The following SMYD3 variants were observed in gnomAD, a reference collection of about 807,000 sequenced individuals.
The protein encoded by SMYD3 is histone-lysine N-methyltransferase SMYD3.
In SMYD3, 36 loss-of-function variants were observed where a neutral mutation model predicts 57.7. That is an observed-to-expected ratio of 0.62 (90% CI 0.48 to 0.82). The LOEUF (loss-of-function observed/expected upper bound fraction) is 0.82. SMYD3 is among the 40% of genes least tolerant of loss of function. The pLI is 0.00. For synonymous variants in SMYD3, 211 were observed against 195.0 expected, an observed-to-expected ratio of 1.08 and a Z score of -0.68; for missense variants, 515 against 538.8, an observed-to-expected ratio of 0.96 and a Z score of 0.44.
chr1:245,942,067 C>G (rs865989099), intron 5 of SMYD3, among the ~76,000 whole-genome samples: 3 of 152,156 alleles, frequency 2.0e-5, no homozygotes, highest in South Asian at 2.1e-4. Context: ...GCAGCTATAT[C>G]AACAAGTCTG....
At chr1:245,890,985 A>G (rs2053349940) in intron 8 of SMYD3, among the ~76,000 whole-genome samples, 1 of 152,212 alleles carries the variant, frequency 6.6e-6, no homozygotes, top group African/African-American at 2.4e-5. Context: ...CCAACTTCAC[A>G]TGTTCTCACT....
intron 8 of SMYD3, among the ~76,000 whole-genome samples, chr1:245,906,617 A>C (rs775269058): frequency 2.0e-5 from 3 of 152,254 alleles, no homozygotes; most frequent in African/African-American, 4.8e-5. Flanking sequence ...TAACTACCAT[A>C]GGATCCAGCA....
At chr1:246,431,396 T>G (rs2067294848) in intron 1 of SMYD3, among the ~76,000 whole-genome samples, 2 of 152,150 alleles carry the variant, frequency 1.3e-5, no homozygotes, top group Non-Finnish European at 2.9e-5. Context: ...TGAAAAGGTA[T>G]GCAAATAAGC....
chr1:246,199,522 A>G (rs1467569774), intron 5 of SMYD3, among the ~76,000 whole-genome samples: 2 of 152,234 alleles, frequency 1.3e-5, no homozygotes, highest in African/African-American at 2.4e-5. Flanking sequence ...TTTTGTTTTG[A>G]AAAAAGTATT....
At chr1:246,086,201 C>G (rs2147863507) in intron 5 of SMYD3, among the ~76,000 whole-genome samples, 2 of 152,030 alleles carry the variant, frequency 1.3e-5, no homozygotes, top group South Asian at 4.2e-4. Flanking sequence ...TCTTAAAGGC[C>G]CCCTAGGCTT....
chr1:246,192,691 G>T (rs1299151196), intron 5 of SMYD3, among the ~76,000 whole-genome samples: 1 of 152,118 alleles, frequency 6.6e-6, no homozygotes, highest in Non-Finnish European at 1.5e-5. Context: ...TAAGGGAAAA[G>T]AAATAAAATT....
At chr1:246,246,896 CACAT>C (rs1226471440) in intron 5 of SMYD3, among the ~76,000 whole-genome samples, 2 of 151,372 alleles carry the variant, frequency 1.3e-5, no homozygotes, top group East Asian at 3.9e-4. Context: ...ATTACAGTCT[CACAT>C]AGGGATGAAT....
chr1:246,239,151 G>A (rs151165449), intron 5 of SMYD3, among the ~76,000 whole-genome samples: 5 of 152,160 alleles, frequency 3.3e-5, no homozygotes, highest in Admixed American at 2.0e-4. Flanking sequence ...ACAACGTGCA[G>A]GTTTGTTACA....
chr1:246,311,663 G>GCGCACACACA (rs1409322946), intron 5 of SMYD3, among the ~76,000 whole-genome samples: 23 of 152,102 alleles, frequency 1.5e-4, no homozygotes, highest in Non-Finnish European at 2.6e-4. Context: ...ACGCGCACGC[G>GCGCACACACA]CGCACACACA....
chr1:246,324,011 A>G (rs953798714), intron 5 of SMYD3, among the ~76,000 whole-genome samples: 34 of 152,166 alleles, frequency 2.2e-4, no homozygotes, highest in African/African-American at 8.2e-4. Flanking sequence ...TAGTCCCTCT[A>G]TTTTTGTGTG....
At chr1:245,948,244 G>GCAACTGGAAACAGCAGGACGGAATCA (rs1361055820) in intron 5 of SMYD3, among the ~76,000 whole-genome samples, 1 of 152,062 alleles carries the variant, frequency 6.6e-6, no homozygotes, top group African/African-American at 2.4e-5. Flanking sequence ...GGACGGAATC[G>GCAACTGGAAACAGCAGGACGGAATCA]CAACTGGAAA....
intron 5 of SMYD3, among the ~76,000 whole-genome samples, chr1:246,308,370 C>T (rs1203902777): frequency 2.0e-5 from 3 of 152,036 alleles, no homozygotes; most frequent in Non-Finnish European, 4.4e-5. Flanking sequence ...TGTTTTGGCC[C>T]TATTTGTCCA....
chr1:246,085,725 T>G lies in SMYD3; in HGVS notation c.532-155788A>C, dbSNP rs141794843. On this transcript the variant is annotated intron_variant, in intron 5 of 11. Transcript: ENST00000490107. ...GCTTCTTCGGGTCTTCATTTCCTTA[T>G]GAAGTCTCCCATGTCACATAAAACT... is the stretch of plus-strand genomic sequence containing the variant. Among the ~76,000 whole-genome samples, 22 of 152,282 alleles carry G rather than the reference T, an allele frequency of 1.4e-4. No homozygotes were observed. The East Asian group carries it at 4.3e-3, about 29-fold the overall frequency.
At chr1:245,833,809 T>C (rs1036058661) in intron 10 of SMYD3, among the ~76,000 whole-genome samples, 6 of 152,226 alleles carry the variant, frequency 3.9e-5, no homozygotes, top group African/African-American at 1.4e-4. Context: ...CGGGAGCTCA[T>C]TGGCGTGAGA....
intron 1 of SMYD3, among the ~76,000 whole-genome samples, chr1:246,482,451 G>A (rs1278617960): frequency 6.7e-6 from 1 of 148,236 alleles, no homozygotes; most frequent in Non-Finnish European, 1.5e-5. Context: ...TATTACCCCA[G>A]ATTTTTTTTT....
intron 1 of SMYD3, among the ~76,000 whole-genome samples, chr1:246,428,590 C>G (rs1304245199): frequency 6.6e-6 from 1 of 152,222 alleles, no homozygotes. Context: ...CAGAGAGCAT[C>G]TATTACATTT....
intron 5 of SMYD3, among the ~76,000 whole-genome samples, chr1:246,179,414 T>C (rs762971792): frequency 6.6e-6 from 1 of 152,228 alleles, no homozygotes; most frequent in Non-Finnish European, 1.5e-5. Context: ...GTGTCCTACA[T>C]ATAAATCTGT....
chr1:246,442,322 C>T (rs1325791892), intron 1 of SMYD3, among the ~76,000 whole-genome samples: 10 of 152,060 alleles, frequency 6.6e-5, no homozygotes, highest in African/African-American at 1.9e-4. Context: ...TTTGGGAGGC[C>T]GAGGCAGGCT....
chr1:245,863,736 G>A, intron 9 of SMYD3, 63 bp downstream of exon 9: 13 of 1,493,340 alleles, frequency 8.7e-6, no homozygotes, highest in Non-Finnish European at 1.2e-5. Context: ...CATTACGACA[G>A]GGCTTCAAGA....
Sources: gnomAD v4.1 joint callset for allele counts (sites outside exome capture counted in the v4.1 genomes callset) on GRCh38, gnomAD v4.1.1 for gene constraint, MANE v1.5 for transcripts, NCBI Gene and HGNC (gene_info 2026-07-23, HGNC 2026-07-21) for gene names.